The following CDK17 variants were observed in gnomAD, a reference collection of about 807,000 sequenced individuals.
CDK17 encodes cyclin dependent kinase 17.
CDK17 carries 24 observed loss-of-function variants against 77.6 expected under a neutral mutation model. The ratio of observed to expected loss-of-function variants is 0.31; its 90% CI spans 0.22 to 0.44. The LOEUF is 0.44. Among genes scored for constraint, CDK17 ranks in the 20% least tolerant of loss-of-function variants. The probability of loss-of-function intolerance (pLI) is 1.00; values close to 1 mark genes in which losing one functional copy is unlikely to be tolerated. For synonymous variants in CDK17, 203 were observed against 210.4 expected (o/e 0.96, Z 0.30); for missense variants, 429 against 622.5 (o/e 0.69, Z 3.31).
chr12:96,391,519 G>A (rs1203043542), intron 1 of CDK17, among the ~76,000 whole-genome samples: 7 of 152,028 alleles, frequency 4.6e-5, no homozygotes, highest in Non-Finnish European at 7.4e-5. Context: ...TCGAACCCCT[G>A]ACCTCAAGTG....
At chr12:96,306,006 G>A (rs1421267156) in intron 5 of CDK17, among the ~76,000 whole-genome samples, 1 of 152,190 alleles carries the variant, frequency 6.6e-6, no homozygotes, top group Non-Finnish European at 1.5e-5. Context: ...ACAGGCATGA[G>A]CCACAACATC....
At chr12:96,375,691 C>T (rs138403380) in intron 1 of CDK17, among the ~76,000 whole-genome samples, 1,748 of 151,920 alleles carry the variant, frequency 0.012, 21 homozygotes, top group Non-Finnish European at 0.018. Context: ...ATTACAGGCA[C>T]CCACCACCAC....
intron 1 of CDK17, 45 bp downstream of exon 1, chr12:96,399,941 C>G (rs1765150867): frequency 5.5e-6 from 2 of 366,692 alleles, no homozygotes; most frequent in South Asian, 1.5e-4. Flanking sequence ...GCGGCCGACC[C>G]GACACCAGGG....
chr12:96,397,340 T>TGAA, intron 1 of CDK17, among the ~76,000 whole-genome samples: 1 of 152,326 alleles, frequency 6.6e-6, no homozygotes, highest in African/African-American at 2.4e-5. Flanking sequence ...TACTGGTATA[T>TGAA]GAAGCTGCAA....
At position 96,400,300 on chromosome 12, in the gene CDK17, A is replaced by G. The variant is rs1376552319; in HGVS notation, c.-344T>C. ...CCGGGCGCGAGCGCGGCGGGCGCCG[A>G]CGGCGGGCTGAGACTGTCTGGCCGG... is the stretch of plus-strand genomic sequence containing the variant. On this transcript the variant is annotated 5_prime_UTR_variant, in exon 1 of 17. Transcript: ENST00000261211. 7 of 389,702 alleles carry G rather than the reference A, an allele frequency of 1.8e-5. No individual in the cohort carries two copies. The East Asian group carries it at 2.6e-4, about 14-fold the overall frequency. 24.1% of individuals were successfully genotyped at this position (389,702 alleles called of 1,614,324 possible).
chr12:96,286,600 T>G lies in CDK17; in HGVS notation c.1216+64A>C, dbSNP rs190102903. 122 of 1,093,150 alleles carry G rather than the reference T, an allele frequency of 1.1e-4. No homozygotes were observed. The African/African-American group carries it at 1.7e-3, about 15-fold the overall frequency. The allele number at this position is 1,093,150 out of a possible 1,614,324, so 67.7% of individuals were successfully genotyped here. On this transcript the variant is annotated intron_variant, in intron 12 of 16. Coordinates refer to ENST00000261211, the MANE Select transcript of CDK17 (RefSeq NM_002595.5). ...AATTTTAAAATATGTATTTTAGAGA[T>G]ACAGTCTTATCCAGCTAGTCAATTA...
In CDK17 at chr12:96,311,192, A is replaced by G; in HGVS notation, c.418-15T>C. On this transcript the variant is annotated splice_polypyrimidine_tract_variant and intron_variant, in intron 4 of 16. Coordinates refer to ENST00000261211, the MANE Select transcript of CDK17 (RefSeq NM_002595.5). ...TTATTTAAATCCTTAAAAAAAAAAAAAGGTAATCCAAAATAGTAAAGGCAA... is the reference window on the plus strand; with the variant it reads ...TTATTTAAATCCTTAAAAAAAAAAAGAGGTAATCCAAAATAGTAAAGGCAA... 6.6e-7 allele frequency: 1 copy of G among 1,525,308 alleles called. No individual in the cohort carries two copies. The highest frequency in any genetic ancestry group is 8.7e-7 in the Non-Finnish European group (1 of 1,147,564). The allele number at this position is 1,525,308 out of a possible 1,614,324, so 94.5% of individuals were successfully genotyped here.
chr12:96,312,109 T>A lies in CDK17; in HGVS notation c.418-932A>T, dbSNP rs1952652314. On this transcript the variant is annotated intron_variant, in intron 4 of 16. Transcript: ENST00000261211. ...GAAGCCAATATGGTGAAACCCTGTC[T>A]CTACAAAAAATACAAAAAAATTAGC... Among the ~76,000 whole-genome samples the A allele has an allele frequency of 2.6e-5, 4 of 152,038 alleles. No individual in the cohort carries two copies. In the South Asian group the frequency reaches 8.3e-4, roughly 32 times the overall value.
chr12:96,365,919 C>A (rs1953576800), intron 1 of CDK17, among the ~76,000 whole-genome samples: 3 of 152,182 alleles, frequency 2.0e-5, no homozygotes, highest in Admixed American at 2.0e-4. Flanking sequence ...TTTATATGAG[C>A]AGATAATACT....
intron 2 of CDK17, among the ~76,000 whole-genome samples, chr12:96,332,404 A>T (rs1952986166): frequency 1.3e-5 from 2 of 152,246 alleles, no homozygotes; most frequent in Admixed American, 1.3e-4. Context: ...TGTATGTGAG[A>T]AGATAACTTT....
intron 1 of CDK17, among the ~76,000 whole-genome samples, chr12:96,386,037 A>C (rs929484696): frequency 6.6e-6 from 1 of 152,198 alleles, no homozygotes; most frequent in Admixed American, 6.5e-5. Flanking sequence ...CTTTGTTTTG[A>C]GATAGGGTCT....
chr12:96,294,138 G>A (rs1484458427), intron 10 of CDK17, among the ~76,000 whole-genome samples: 1 of 152,114 alleles, frequency 6.6e-6, no homozygotes, highest in Non-Finnish European at 1.5e-5. Flanking sequence ...TTATTTCTGT[G>A]TGCAGCAAAT....
At chr12:96,378,550 C>T (rs1441270342) in intron 1 of CDK17, among the ~76,000 whole-genome samples, 1 of 152,212 alleles carries the variant, frequency 6.6e-6, no homozygotes, top group Non-Finnish European at 1.5e-5. Flanking sequence ...GATCTGGGCA[C>T]CAGGTGTGCT....
chr12:96,311,180 T>TAA lies in CDK17; in HGVS notation c.418-5_418-4dup, dbSNP rs11285567. ...AGTGATAACCGCTTATTTAAATCCT[T>TAA]AAAAAAAAAAAAAGGTAATCCAAAA... On this transcript the variant is annotated splice_polypyrimidine_tract_variant and splice_region_variant and intron_variant, in intron 4 of 16. Transcript: ENST00000261211. The TAA allele has an allele frequency of 6.7e-4, 857 of 1,277,870 alleles. No homozygotes were observed. Among genetic ancestry groups the TAA allele is most frequent in the South Asian group, 1.3e-3 (85 of 64,644 alleles). The allele number at this position is 1,277,870 out of a possible 1,614,324, so 79.2% of individuals were successfully genotyped here.
intron 5 of CDK17, among the ~76,000 whole-genome samples, chr12:96,305,592 T>C (rs961592332): frequency 1.3e-5 from 2 of 152,106 alleles, no homozygotes; most frequent in African/African-American, 4.8e-5. Context: ...TTAAGCATCC[T>C]GAAAAGATGG....
At chr12:96,341,940 T>A (rs1953128737) in intron 1 of CDK17, among the ~76,000 whole-genome samples, 2 of 152,230 alleles carry the variant, frequency 1.3e-5, no homozygotes, top group African/African-American at 4.8e-5. Flanking sequence ...CTTAAAACAA[T>A]TTTTTGTTAA....
intron 1 of CDK17, among the ~76,000 whole-genome samples, chr12:96,361,476 G>A (rs1340173793): frequency 6.6e-6 from 1 of 152,240 alleles, no homozygotes; most frequent in East Asian, 1.9e-4. Context: ...GTTTCAATGG[G>A]TAAGTCTGAA....
intron 10 of CDK17, 53 bp from the exon 11 acceptor site, chr12:96,289,340 C>T: frequency 6.2e-7 from 1 of 1,603,802 alleles, no homozygotes. Flanking sequence ...ATGGATCTCT[C>T]AGACCCTATT....
In CDK17 at chr12:96,297,379, G is replaced by A. The variant is rs763409772; in HGVS notation, c.811-47C>T. 28 of 1,230,214 alleles carry A rather than the reference G, an allele frequency of 2.3e-5. No homozygotes were observed. The South Asian group carries it at 3.4e-4, about 15-fold the overall frequency. 76.2% of individuals were successfully genotyped at this position (1,230,214 alleles called of 1,614,324 possible). ...CTATGTGATACACCATTTTCAGAAT[G>A]TTGTGACTGGTTCACTTAATAGTGT... On this transcript the variant is annotated intron_variant, in intron 8 of 16. Coordinates refer to ENST00000261211, the MANE Select transcript of CDK17 (RefSeq NM_002595.5).
Sources: gnomAD v4.1 joint callset for allele counts (sites outside exome capture counted in the v4.1 genomes callset) on GRCh38, gnomAD v4.1.1 for gene constraint, MANE v1.5 for transcripts, NCBI Gene and HGNC (gene_info 2026-07-23, HGNC 2026-07-21) for gene names.